CPO: variants seen among roughly 807,000 people sequenced by gnomAD.
CPO encodes the protein carboxypeptidase O, also known as metallocarboxypeptidase C.
Under a neutral mutation model 41.2 loss-of-function variants are expected in CPO, and 43 were observed. The ratio of observed to expected loss-of-function variants is 1.04; its 90% CI spans 0.82 to 1.35. CPO has a LOEUF of 1.35. Among genes scored for constraint, CPO ranks in the 40% most tolerant of loss-of-function variants. CPO has a pLI of 0.00. For missense variants in CPO, 408 were observed against 451.7 expected, an observed-to-expected ratio of 0.90 and a Z score of 0.88; for synonymous variants, 178 against 162.7, an observed-to-expected ratio of 1.09 and a Z score of -0.72.
rs949284251 is a variant in CPO, at chr2:206,945,044, A to C, written c.69-4573A>C. 2.6e-5 allele frequency among the ~76,000 whole-genome samples: 4 copies of C among 152,104 alleles called. No individual in the cohort carries two copies. In the East Asian group the frequency reaches 7.7e-4, roughly 29 times the overall value. On this transcript the variant is annotated intron_variant, in intron 1 of 8. Transcript: ENST00000272852. ...GAATTGTATTTTAACACTTACTAGG[A>C]ATTGACTATATGTCAGAAATTGTGC...
At chr2:206,939,931 A>G (rs1692998457) in intron 1 of CPO, among the ~76,000 whole-genome samples, 1 of 152,246 alleles carries the variant, frequency 6.6e-6, no homozygotes, top group South Asian at 2.1e-4. Context: ...ATGTTTTGTG[A>G]TTGGAAAAAG....
chr2:206,942,320 A>G (rs374810326), intron 1 of CPO, among the ~76,000 whole-genome samples: 59 of 152,238 alleles, frequency 3.9e-4, no homozygotes, highest in Middle Eastern at 3.4e-3. Context: ...CAGTTAACTC[A>G]GGGAGGTGGA....
intron 2 of CPO, among the ~76,000 whole-genome samples, chr2:206,951,998 C>T (rs1369710148): frequency 6.6e-6 from 1 of 152,168 alleles, no homozygotes; most frequent in Admixed American, 6.6e-5. Context: ...ATGAAAATAC[C>T]CTCACTTGAG....
At chr2:206,945,605 T>C (rs1462690435) in intron 1 of CPO, among the ~76,000 whole-genome samples, 2 of 152,160 alleles carry the variant, frequency 1.3e-5, no homozygotes, top group Non-Finnish European at 2.9e-5. Flanking sequence ...AGAATAACAA[T>C]TTACAGAGTT....
intron 1 of CPO, among the ~76,000 whole-genome samples, chr2:206,945,336 A>G (rs1693122962): frequency 6.6e-6 from 1 of 152,220 alleles, no homozygotes; most frequent in Non-Finnish European, 1.5e-5. Flanking sequence ...CCAAAAGTTC[A>G]TACTCCAATG....
At position 206,955,447 on chromosome 2, in the gene CPO, T is replaced by C. The variant is rs767804707; in HGVS notation, c.166-16T>C. The C allele has an allele frequency of 2.0e-5, 30 of 1,472,956 alleles. 1 individual carries two copies. In the African/African-American group the frequency reaches 2.5e-4, roughly 12 times the overall value. 91.2% of individuals were successfully genotyped at this position (1,472,956 alleles called of 1,614,324 possible). ...ATCTTCCTACTGATAGCCACAGTCCTCCCTTGCTGTTTCAGATCTATGAGT... is the reference window on the plus strand; with the variant it reads ...ATCTTCCTACTGATAGCCACAGTCCCCCCTTGCTGTTTCAGATCTATGAGT... On this transcript the variant is annotated splice_polypyrimidine_tract_variant and intron_variant, in intron 2 of 8. Transcript: ENST00000272852.
Position 206,946,918 on chromosome 2 carries a change from A to G in CPO, c.69-2699A>G, listed in dbSNP as rs1693155471. Among the ~76,000 whole-genome samples, 7 of 152,290 alleles carry G rather than the reference A, an allele frequency of 4.6e-5. No individual in the cohort carries two copies. In the South Asian group the frequency reaches 1.4e-3, roughly 32 times the overall value. Reference sequence around the variant, plus strand: ...TTCTAACAAAATTTATACAAGATCTATATGAGGAAAACTAAAAAACTCTAA... The same window carrying G: ...TTCTAACAAAATTTATACAAGATCTGTATGAGGAAAACTAAAAAACTCTAA... On this transcript the variant is annotated intron_variant, in intron 1 of 8. Coordinates refer to ENST00000272852, the MANE Select transcript of CPO (RefSeq NM_173077.3).
chr2:206,965,617 C>T (rs1309112777), intron 7 of CPO, among the ~76,000 whole-genome samples: 1 of 152,144 alleles, frequency 6.6e-6, no homozygotes, highest in East Asian at 1.9e-4. Context: ...GTATCAACCT[C>T]TGTACTCCAT....
intron 1 of CPO, among the ~76,000 whole-genome samples, chr2:206,942,480 ATTTC>A (rs1022869459): frequency 6.6e-6 from 1 of 152,098 alleles, no homozygotes; most frequent in African/African-American, 2.4e-5. Context: ...TCATGTAACT[ATTTC>A]TTCACCAAGT....
At chr2:206,959,884 C>T in intron 5 of CPO, 143 bp downstream of exon 5, 1 of 514,808 alleles carries the variant, frequency 1.9e-6, no homozygotes, top group Non-Finnish European at 3.5e-6. Flanking sequence ...TAAAAATCAG[C>T]TTAACATTTT....
intron 1 of CPO, among the ~76,000 whole-genome samples, chr2:206,943,702 AGATAGATAGATAGAT>A (rs1693075895): frequency 1.4e-5 from 2 of 141,752 alleles, no homozygotes; most frequent in Admixed American, 1.4e-4. Flanking sequence ...ATAGATAGAT[AGATAGATAGATAGAT>A]GATGGATAGA....
chr2:206,963,181 T>C (rs1693512697), intron 7 of CPO, among the ~76,000 whole-genome samples: 2 of 152,228 alleles, frequency 1.3e-5, no homozygotes, highest in Admixed American at 1.3e-4. Flanking sequence ...TGTCCTTCTC[T>C]GAAGCTGTGT....
At chr2:206,967,331 C>CTATATATATATATATATATATA (rs200615925) in intron 7 of CPO, among the ~76,000 whole-genome samples, 10 of 118,502 alleles carry the variant, frequency 8.4e-5, no homozygotes, top group African/African-American at 3.1e-4. Context: ...CTCTGAAATG[C>CTATATATATATATATATATATA]TATATATATA....
intron 3 of CPO, among the ~76,000 whole-genome samples, chr2:206,957,732 G>T (rs1693396640): frequency 6.6e-6 from 1 of 152,198 alleles, no homozygotes; most frequent in Non-Finnish European, 1.5e-5. Context: ...GAGTGAGGCT[G>T]CACTCATGTA....
At chr2:206,951,462 A>T (rs995206387) in intron 2 of CPO, among the ~76,000 whole-genome samples, 3 of 152,204 alleles carry the variant, frequency 2.0e-5, no homozygotes, top group Admixed American at 1.3e-4. Flanking sequence ...ATTTTTATAT[A>T]AATGCACAAT....
Position 206,962,575 on chromosome 2 carries a change from C to T in CPO, c.738C>T (p.Tyr246=), listed in dbSNP as rs768140084. The T allele has an allele frequency of 1.3e-5, 21 of 1,614,014 alleles. No homozygotes were observed. Among genetic ancestry groups the T allele is most frequent in the Admixed American group, 1.2e-4 (7 of 60,004 alleles). ...ATGGGCAGTTAATTCTCACACCTTACGGCTACACCAAAAATAAATCAAGTA... is the reference window on the plus strand; with the variant it reads ...ATGGGCAGTTAATTCTCACACCTTATGGCTACACCAAAAATAAATCAAGTA... ...HSYGQLILTP[Y]GYTKNKSSNH... Residue 246 remains tyrosine, a synonymous_variant, in exon 7 of 9, where the codon TAC becomes TAT. Coordinates refer to ENST00000272852, the MANE Select transcript of CPO (RefSeq NM_173077.3).
intron 2 of CPO, among the ~76,000 whole-genome samples, chr2:206,952,802 G>T (rs1188556165): frequency 6.6e-6 from 1 of 152,138 alleles, no homozygotes; most frequent in African/African-American, 2.4e-5. Context: ...ACCCGAGACT[G>T]GGTAATTTAT....
intron 2 of CPO, among the ~76,000 whole-genome samples, chr2:206,950,084 T>C (rs185648297): frequency 1.7e-4 from 26 of 152,304 alleles, no homozygotes; most frequent in Admixed American, 1.4e-3. Context: ...GGAGAAGCCT[T>C]CTGATTGAAT....
chr2:206,955,369 A>G, intron 2 of CPO, 94 bp from the exon 3 acceptor site: 1 of 790,016 alleles, frequency 1.3e-6, no homozygotes, highest in Non-Finnish European at 2.3e-6. Flanking sequence ...AAGATAACAG[A>G]GTTCAATGTG....
Sources: allele counts gnomAD v4.1 joint callset (sites outside exome capture counted in the v4.1 genomes callset), GRCh38; gene constraint gnomAD v4.1.1; transcripts MANE v1.5; gene names NCBI Gene and HGNC (gene_info 2026-07-23, HGNC 2026-07-21).